The following NFASC variants were observed in gnomAD, a reference collection of about 807,000 sequenced individuals.
NFASC encodes neurofascin homolog.
NFASC carries 43 observed loss-of-function variants against 147.5 expected under a neutral mutation model. The ratio of observed to expected loss-of-function variants is 0.29; its 90% confidence interval spans 0.23 to 0.38. The LOEUF is 0.38. Among genes scored for constraint, NFASC ranks in the 10% least tolerant of loss-of-function variants. The pLI is 1.00. For missense variants in NFASC, 1,320 were observed against 1,689.0 expected, an observed-to-expected ratio of 0.78 and a Z score of 3.83; for synonymous variants, 622 against 665.5, an observed-to-expected ratio of 0.93 and a Z score of 1.01.
chr1:204,943,467 C>T (rs1278196794), intron 2 of NFASC, among the ~76,000 whole-genome samples: 4 of 152,164 alleles, frequency 2.6e-5, no homozygotes, highest in African/African-American at 4.8e-5. Context: ...ACCTGAAGCC[C>T]GCTTCTTCCT....
At chr1:204,872,440 A>G (rs1008789932) in intron 1 of NFASC, among the ~76,000 whole-genome samples, 1 of 152,150 alleles carries the variant, frequency 6.6e-6, no homozygotes, top group Admixed American at 6.5e-5. Flanking sequence ...TCCTGGGAGC[A>G]CTGTTTCTGT....
intron 2 of NFASC, among the ~76,000 whole-genome samples, chr1:204,922,146 C>T (rs550440824): frequency 1.3e-5 from 2 of 152,106 alleles, no homozygotes; most frequent in Admixed American, 6.5e-5. Flanking sequence ...GGGACAGAAT[C>T]GGGTAGTTAA....
intron 1 of NFASC, among the ~76,000 whole-genome samples, chr1:204,916,813 T>G (rs539498837): frequency 6.6e-6 from 1 of 152,296 alleles, no homozygotes; most frequent in South Asian, 2.1e-4. Flanking sequence ...GCTCAAGCCA[T>G]CCACCTGTCT....
chr1:205,008,328 T>TG (rs2096177201), intron 27 of NFASC: 1 of 152,778 alleles, frequency 6.5e-6, no homozygotes, highest in South Asian at 2.1e-4. Context: ...GCGCAGGTGC[T>TG]GTGGCCCTCA....
chr1:204,973,772 G>A (rs1404029074), intron 12 of NFASC, among the ~76,000 whole-genome samples: 2 of 152,102 alleles, frequency 1.3e-5, no homozygotes, highest in South Asian at 2.1e-4. Flanking sequence ...CATCGCCTTG[G>A]TGTATCCATG....
chr1:204,926,545 C>G lies in NFASC; in HGVS notation c.-91+5805C>G, dbSNP rs534368951. Among the ~76,000 whole-genome samples, 118 of 149,124 alleles carry G rather than the reference C, an allele frequency of 7.9e-4. 1 individual carries two copies. The highest frequency in any genetic ancestry group is 2.6e-3 in the African/African-American group (106 of 40,598). ...CCTCCCGTCTCAGCCTCTTGAGTAG[C>G]TGGGACCACAGTTGCGCGCCACCAT... On this transcript the variant is annotated intron_variant, in intron 2 of 29. Coordinates refer to ENST00000339876, the MANE Select transcript of NFASC (RefSeq NM_001005388.3).
intron 1 of NFASC, among the ~76,000 whole-genome samples, chr1:204,872,552 A>G (rs937549564): frequency 5.9e-5 from 9 of 152,152 alleles, no homozygotes; most frequent in African/African-American, 2.2e-4. Flanking sequence ...CCGGCTGGGC[A>G]CCTGGCCTGG....
chr1:204,849,602 G>A (rs1012098651), intron 1 of NFASC, among the ~76,000 whole-genome samples: 4 of 152,166 alleles, frequency 2.6e-5, no homozygotes, highest in Non-Finnish European at 5.9e-5. Flanking sequence ...TTTTGCAAGT[G>A]GGGGCCTGAG....
chr1:204,846,624 G>A (rs1397641139), intron 1 of NFASC, among the ~76,000 whole-genome samples: 1 of 152,066 alleles, frequency 6.6e-6, no homozygotes, highest in Non-Finnish European at 1.5e-5. Flanking sequence ...TCCACCCAAT[G>A]TAAGACCTCT....
chr1:204,911,439 A>G (rs2087472388), intron 1 of NFASC, among the ~76,000 whole-genome samples: 1 of 152,094 alleles, frequency 6.6e-6, no homozygotes, highest in Non-Finnish European at 1.5e-5. Context: ...GCTGGTCTTG[A>G]GCTCCTGGCC....
At chr1:204,858,605 C>T (rs1331074097) in intron 1 of NFASC, among the ~76,000 whole-genome samples, 1 of 152,130 alleles carries the variant, frequency 6.6e-6, no homozygotes, top group African/African-American at 2.4e-5. Context: ...CAACAGGCAG[C>T]TCCAGCAGGG....
chr1:204,912,387 T>G (rs969536372), intron 1 of NFASC, among the ~76,000 whole-genome samples: 3 of 152,156 alleles, frequency 2.0e-5, no homozygotes, highest in African/African-American at 7.2e-5. Flanking sequence ...TCTCTTTGAA[T>G]TATGGATTAT....
chr1:204,862,794 G>A (rs2076779448), intron 1 of NFASC, among the ~76,000 whole-genome samples: 1 of 152,198 alleles, frequency 6.6e-6, no homozygotes, highest in African/African-American at 2.4e-5. Flanking sequence ...GGAGGCTGGT[G>A]AGAAGTACAG....
In NFASC at chr1:205,018,206, C is replaced by A. The variant is rs944013040; in HGVS notation, c.*1667C>A. The A allele has an allele frequency of 6.6e-6, 1 of 152,524 alleles. No homozygotes were observed. Among genetic ancestry groups the A allele is most frequent in the Non-Finnish European group, 1.5e-5 (1 of 68,036 alleles). The allele number at this position is 152,524 out of a possible 1,614,324, so 9.4% of individuals were successfully genotyped here. A position where few individuals can be genotyped will look rare whatever the true frequency, so the allele number is the denominator to read the frequency against. ...CTTTAGCTGTTTCTGCAGCTGAGGT[C>A]AGTTTCAGGAGGGTGAAGCTGATCC... On this transcript the variant is annotated 3_prime_UTR_variant, in exon 30 of 30. Coordinates refer to ENST00000339876, the MANE Select transcript of NFASC (RefSeq NM_001005388.3).
Position 204,888,871 on chromosome 1 carries a change from A to T in NFASC, c.-199-31761A>T, listed in dbSNP as rs182256732. On this transcript the variant is annotated intron_variant, in intron 1 of 29. Coordinates refer to ENST00000339876, the MANE Select transcript of NFASC (RefSeq NM_001005388.3). The stretch of plus-strand genomic sequence containing the variant: ...TTCACCACAATCCAGCAGTCTGGGG[A>T]TCCACCAACTCTAGGGAACCCTGTG... Among the ~76,000 whole-genome samples, 307 of 152,280 alleles carry T rather than the reference A, an allele frequency of 2.0e-3. 3 individuals are homozygous for T. Among genetic ancestry groups the T allele is most frequent in the African/African-American group, 7.2e-3 (300 of 41,538 alleles).
intron 1 of NFASC, among the ~76,000 whole-genome samples, chr1:204,887,002 T>C (rs1207021831): frequency 6.6e-6 from 1 of 152,206 alleles, no homozygotes; most frequent in Non-Finnish European, 1.5e-5. Context: ...ATACATAATA[T>C]AAAATGTACC....
In NFASC at chr1:204,979,103, A is replaced by C. The variant is rs1047363478; in HGVS notation, c.1978+34A>C. 5 of 1,511,342 alleles carry C rather than the reference A, an allele frequency of 3.3e-6. No homozygotes were observed. The highest frequency in any genetic ancestry group is 4.5e-6 in the Non-Finnish European group (5 of 1,112,168). 93.6% of individuals were successfully genotyped at this position (1,511,342 alleles called of 1,614,324 possible). On this transcript the variant is annotated intron_variant, in intron 18 of 29. Transcript: ENST00000339876. This position sits in a 1 kb window ranked among gnomAD's most constrained non-coding sequence, Gnocchi z 6.0. ...GGGCCTTGCACCCCAAAGCTGGAAAAGAGGGACGGCAACACCCTTAAACCG... is the reference window on the plus strand; with the variant it reads ...GGGCCTTGCACCCCAAAGCTGGAAACGAGGGACGGCAACACCCTTAAACCG...
At chr1:204,956,643 C>G (rs2094445789) in intron 7 of NFASC, among the ~76,000 whole-genome samples, 1 of 152,196 alleles carries the variant, frequency 6.6e-6, no homozygotes, top group Admixed American at 6.5e-5. Flanking sequence ...AGGGCAGTAA[C>G]AGTCTTGCCC....
At chr1:204,864,993 T>C (rs1268154382) in intron 1 of NFASC, among the ~76,000 whole-genome samples, 1 of 152,238 alleles carries the variant, frequency 6.6e-6, no homozygotes, top group Non-Finnish European at 1.5e-5. Context: ...GTGTTACATC[T>C]AAAAGTCCAT....
Sources: gnomAD v4.1 joint callset for allele counts (sites outside exome capture counted in the v4.1 genomes callset) on GRCh38, gnomAD v4.1.1 for gene constraint, Gnocchi (gnomAD v3.1) non-coding constraint, MANE v1.5 for transcripts, NCBI Gene and HGNC (gene_info 2026-07-23, HGNC 2026-07-21) for gene names.